The following CHCHD3 variants were observed in gnomAD, a reference collection of about 807,000 sequenced individuals.
The protein encoded by CHCHD3 is MICOS complex subunit MIC19.
CHCHD3 carries 20 observed loss-of-function variants against 38.2 expected under a neutral mutation model. That is an observed-to-expected ratio of 0.52 (90% CI 0.37 to 0.76). The LOEUF (loss-of-function observed/expected upper bound fraction) is 0.76, where lower values mean the gene tolerates loss of function less well. Ranked by LOEUF, CHCHD3 falls within the 30% of genes least tolerant of loss-of-function variation. The probability of loss-of-function intolerance (pLI) is 0.00; values close to 1 mark genes in which losing one functional copy is unlikely to be tolerated. For missense variants in CHCHD3, 245 were observed against 279.2 expected (o/e 0.88, Z 0.87); for synonymous variants, 82 against 100.0 (o/e 0.82, Z 1.07).
chr7:132,923,395 T>C (rs1810305278), intron 4 of CHCHD3, among the ~76,000 whole-genome samples: 1 of 152,078 alleles, frequency 6.6e-6, no homozygotes, highest in Non-Finnish European at 1.5e-5. Context: ...TCCATATGGA[T>C]AAGAGATAAG....
chr7:133,037,801 G>A (rs556517859), intron 2 of CHCHD3, among the ~76,000 whole-genome samples: 4 of 152,272 alleles, frequency 2.6e-5, no homozygotes, highest in Admixed American at 6.5e-5. Context: ...GACAGAGCGA[G>A]AGACTGTCTC....
At chr7:132,853,358 C>T (rs569548420) in intron 5 of CHCHD3, among the ~76,000 whole-genome samples, 5 of 152,194 alleles carry the variant, frequency 3.3e-5, no homozygotes, top group South Asian at 4.2e-4. Flanking sequence ...TTAAGAACTA[C>T]GGTGTAATCC....
chr7:133,026,519 G>T lies in CHCHD3; in HGVS notation c.170-1892C>A, dbSNP rs144087331. The stretch of plus-strand genomic sequence containing the variant: ...TATAACCCAGCAATTCTAATTTTAG[G>T]TACTATATATACTCAAGAAAATTTG... On this transcript the variant is annotated intron_variant, in intron 2 of 7. Transcript: ENST00000262570. Among the ~76,000 whole-genome samples, 309 of 152,176 alleles carry T rather than the reference G, an allele frequency of 2.0e-3. 1 individual carries two copies. Among genetic ancestry groups the T allele is most frequent in the African/African-American group, 6.9e-3 (287 of 41,500 alleles).
intron 2 of CHCHD3, among the ~76,000 whole-genome samples, chr7:133,029,842 G>A (rs2117452789): frequency 6.6e-6 from 1 of 152,106 alleles, no homozygotes; most frequent in Middle Eastern, 3.4e-3. Flanking sequence ...GGCCATGAGA[G>A]GAGAGAAAAA....
chr7:132,944,860 A>G (rs982320114), intron 4 of CHCHD3, among the ~76,000 whole-genome samples: 2 of 152,024 alleles, frequency 1.3e-5, no homozygotes, highest in South Asian at 4.1e-4. Flanking sequence ...ATAACTGTCA[A>G]TATGTTACAA....
At chr7:133,033,112 A>G (rs2117460320) in intron 2 of CHCHD3, among the ~76,000 whole-genome samples, 1 of 152,346 alleles carries the variant, frequency 6.6e-6, no homozygotes, top group East Asian at 1.9e-4. Context: ...TAACTACCCT[A>G]GCAGACATAA....
intron 6 of CHCHD3, among the ~76,000 whole-genome samples, chr7:132,806,698 T>G (rs10954389): frequency 0.15 from 22,199 of 152,010 alleles, 1,721 homozygotes; most frequent in Middle Eastern, 0.2. Context: ...AGACTTTTTT[T>G]TTTTTTAAGA....
At chr7:132,974,810 G>T (rs1314763795) in intron 4 of CHCHD3, among the ~76,000 whole-genome samples, 1 of 151,940 alleles carries the variant, frequency 6.6e-6, no homozygotes, top group East Asian at 1.9e-4. Context: ...GGAGGCGGAG[G>T]TTGCAGTGAG....
At chr7:133,029,917 C>T (rs1813453380) in intron 2 of CHCHD3, among the ~76,000 whole-genome samples, 1 of 151,730 alleles carries the variant, frequency 6.6e-6, no homozygotes. Context: ...CTGAAAAAGA[C>T]ATGTCCAAGT....
intron 6 of CHCHD3, among the ~76,000 whole-genome samples, chr7:132,835,012 C>T (rs1161598195): frequency 6.6e-6 from 1 of 150,930 alleles, no homozygotes; most frequent in Non-Finnish European, 1.5e-5. Flanking sequence ...GATCTGTTGC[C>T]CAGGCTGGAA....
At chr7:133,012,856 G>A (rs1481760906) in intron 3 of CHCHD3, among the ~76,000 whole-genome samples, 1 of 136,318 alleles carries the variant, frequency 7.3e-6, no homozygotes, top group Admixed American at 7.3e-5. Context: ...GGAGGGGAAG[G>A]GAGGGGAGGG....
chr7:132,826,037 G>C (rs1177158557), intron 6 of CHCHD3, among the ~76,000 whole-genome samples: 1 of 152,092 alleles, frequency 6.6e-6, no homozygotes, highest in Non-Finnish European at 1.5e-5. Context: ...TGCTACCTTC[G>C]ACATTCCAAT....
intron 4 of CHCHD3, among the ~76,000 whole-genome samples, chr7:132,890,399 G>A (rs1354895182): frequency 6.6e-6 from 1 of 152,132 alleles, no homozygotes; most frequent in Non-Finnish European, 1.5e-5. Context: ...GAATAGTCCA[G>A]GCTAAATCTT....
chr7:132,984,491 T>A (rs1265931332), intron 3 of CHCHD3, among the ~76,000 whole-genome samples: 2 of 145,592 alleles, frequency 1.4e-5, no homozygotes, highest in Non-Finnish European at 1.5e-5. Context: ...CCACCCCATC[T>A]GGGAAGTGAG....
At chr7:132,958,718 T>A (rs980934988) in intron 4 of CHCHD3, among the ~76,000 whole-genome samples, 3 of 152,364 alleles carry the variant, frequency 2.0e-5, no homozygotes, top group Non-Finnish European at 4.4e-5. Context: ...TTTCAAGCTT[T>A]ATCCCAAGAC....
At chr7:132,891,239 T>G (rs1358425597) in intron 4 of CHCHD3, among the ~76,000 whole-genome samples, 1 of 152,242 alleles carries the variant, frequency 6.6e-6, no homozygotes, top group African/African-American at 2.4e-5. Flanking sequence ...GTATTATACT[T>G]CCAGCACTGT....
intron 3 of CHCHD3, among the ~76,000 whole-genome samples, chr7:132,980,820 C>A (rs916811446): frequency 6.6e-6 from 1 of 152,066 alleles, no homozygotes; most frequent in Non-Finnish European, 1.5e-5. Context: ...AAATCTAGTT[C>A]TCTATATTTT....
chr7:132,997,784 A>G (rs550381857), intron 3 of CHCHD3, among the ~76,000 whole-genome samples: 17 of 151,380 alleles, frequency 1.1e-4, no homozygotes, highest in Admixed American at 8.5e-4. Flanking sequence ...GCGAATATCA[A>G]AAGTTTCCCA....
chr7:132,792,254 G>A (rs573206177), intron 7 of CHCHD3, among the ~76,000 whole-genome samples: 6 of 152,316 alleles, frequency 3.9e-5, no homozygotes, highest in South Asian at 2.1e-4. Context: ...GGAGGCTTAC[G>A]GCTGGCTGGA....
Sources: allele counts gnomAD v4.1 joint callset (sites outside exome capture counted in the v4.1 genomes callset), GRCh38; gene constraint gnomAD v4.1.1; transcripts MANE v1.5; gene names NCBI Gene and HGNC (gene_info 2026-07-23, HGNC 2026-07-21).